CYP27A1: variants seen among roughly 807,000 people sequenced by gnomAD.
CYP27A1 encodes sterol 26-hydroxylase, mitochondrial.
Under a neutral mutation model 58.2 loss-of-function variants are expected in CYP27A1, and 46 were observed. That is an observed-to-expected ratio of 0.79 (90% CI 0.62 to 1.01). The LOEUF (loss-of-function observed/expected upper bound fraction) is 1.01, where lower values mean the gene tolerates loss of function less well. CYP27A1 is among the 50% of genes least tolerant of loss of function. The probability of loss-of-function intolerance (pLI) is 0.00; values close to 1 mark genes in which losing one functional copy is unlikely to be tolerated. For synonymous variants in CYP27A1, 274 were observed against 285.1 expected, an observed-to-expected ratio of 0.96 and a Z score of 0.39; for missense variants, 704 against 687.0, an observed-to-expected ratio of 1.02 and a Z score of -0.28.
In CYP27A1 at chr2:218,814,422, G is replaced by C. The variant is rs756546373; in HGVS notation, c.1227G>C (p.Lys409Asn). 4 of 1,614,130 alleles carry C rather than the reference G, an allele frequency of 2.5e-6. No individual in the cohort carries two copies. The highest frequency in any genetic ancestry group is 2.5e-6 in the Non-Finnish European group (3 of 1,180,050). Reference sequence around the variant, plus strand: ...CCACAAACTCCCGGATCATAGAAAAGGAAATTGAAGTTGATGGCTTCCTCT... The same window carrying C: ...CCACAAACTCCCGGATCATAGAAAACGAAATTGAAGTTGATGGCTTCCTCT... ...VVPTNSRIIE[K>N]EIEVDGFLFP... Residue 409 changes from lysine (K) to asparagine (N), a missense_variant, in exon 7 of 9, where the codon AAG (lysine) becomes AAC (asparagine). Coordinates refer to ENST00000258415, the MANE Select transcript of CYP27A1 (RefSeq NM_000784.4).
intron 2 of CYP27A1, among the ~76,000 whole-genome samples, chr2:218,810,561 T>C (rs921501457): frequency 6.6e-6 from 1 of 152,212 alleles, no homozygotes; most frequent in African/African-American, 2.4e-5. Flanking sequence ...ATGATAAGTT[T>C]GGGGTTCTCA....
intron 2 of CYP27A1, 104 bp downstream of exon 2, chr2:218,809,871 T>C: frequency 9.6e-7 from 1 of 1,040,082 alleles, no homozygotes; most frequent in Non-Finnish European, 1.4e-6. Context: ...TAGTACCCTC[T>C]GCATCCTCTG....
At chr2:218,799,176 C>A (rs867485129) in intron 1 of CYP27A1, among the ~76,000 whole-genome samples, 2 of 152,104 alleles carry the variant, frequency 1.3e-5, no homozygotes, top group Non-Finnish European at 2.9e-5. Flanking sequence ...GCCCACCCCT[C>A]CCCCTAATGC....
Position 218,809,604 on chromosome 2 carries a change from A to C in CYP27A1, c.283A>C (p.Met95Leu). Residue 95 changes from methionine (M) to leucine (L), a missense_variant, in exon 2 of 9, where the codon ATG becomes CTG. Met to Leu is a conservative substitution (Grantham distance 15). Coordinates refer to ENST00000258415, the MANE Select transcript of CYP27A1 (RefSeq NM_000784.4). Reference sequence around the variant, plus strand: ...GCTTTACAAGGCCAAGTACGGTCCAATGTGGATGTCCTACTTAGGGCCTCA... The same window carrying C: ...GCTTTACAAGGCCAAGTACGGTCCACTGTGGATGTCCTACTTAGGGCCTCA... ...QVLYKAKYGP[M>L]WMSYLGPQMH... 1.9e-6 allele frequency: 3 copies of C among 1,614,106 alleles called. No individual in the cohort carries two copies. Among genetic ancestry groups the C allele is most frequent in the Non-Finnish European group, 1.7e-6 (2 of 1,180,014 alleles).
chr2:218,811,542 G>C (rs1040050999), intron 2 of CYP27A1, among the ~76,000 whole-genome samples: 1 of 152,118 alleles, frequency 6.6e-6, no homozygotes, highest in Admixed American at 6.6e-5. Context: ...AACCAAGGAG[G>C]AGGCCTGACC....
At chr2:218,807,053 G>A (rs1230720229) in intron 1 of CYP27A1, among the ~76,000 whole-genome samples, 4 of 139,146 alleles carry the variant, frequency 2.9e-5, no homozygotes, top group African/African-American at 8.2e-5. Flanking sequence ...TCCTCCTCCC[G>A]GGTTCAAGCG....
intron 1 of CYP27A1, among the ~76,000 whole-genome samples, chr2:218,803,091 T>A (rs1490558204): frequency 2.6e-5 from 4 of 151,998 alleles, no homozygotes; most frequent in African/African-American, 9.7e-5. Flanking sequence ...ACTACAAGTG[T>A]GCGCCATCAC....
At chr2:218,796,352 G>C (rs111376228) in intron 1 of CYP27A1, among the ~76,000 whole-genome samples, 283 of 152,306 alleles carry the variant, frequency 1.9e-3, no homozygotes, top group East Asian at 6.6e-3. Context: ...CAGCACTTTG[G>C]GGGGCTGAGG....
Position 218,814,961 on chromosome 2 carries a change from G to T in CYP27A1, c.1527G>T (p.Lys509Asn). Residue 509 changes from lysine to asparagine, a missense_variant, in exon 9 of 9, where the codon AAG becomes AAT. Coordinates refer to ENST00000258415, the MANE Select transcript of CYP27A1 (RefSeq NM_000784.4). ...VVLAPETGEL[K>N]SVARIVLVPN... The stretch of plus-strand genomic sequence containing the variant: ...TGGCCCCGGAGACGGGGGAGTTGAA[G>T]AGTGTGGCCCGCATTGTCCTGGTTC... The T allele has an allele frequency of 6.2e-7, 1 of 1,614,256 alleles. No individual in the cohort carries two copies. The highest frequency in any genetic ancestry group is 8.5e-7 in the Non-Finnish European group (1 of 1,180,038).
At chr2:218,812,003 G>A (rs570090210) in intron 2 of CYP27A1, among the ~76,000 whole-genome samples, 4 of 152,274 alleles carry the variant, frequency 2.6e-5, no homozygotes, top group South Asian at 2.1e-4. Context: ...CTAGATGCCC[G>A]CCATACCCAC....
intron 1 of CYP27A1, among the ~76,000 whole-genome samples, chr2:218,797,230 G>A (rs1943555991): frequency 6.6e-6 from 1 of 152,008 alleles, no homozygotes; most frequent in Non-Finnish European, 1.5e-5. Context: ...CTCCTGAGTA[G>A]CTGGGATTAC....
rs587778784 is a variant in CYP27A1 at position 218,814,463 on chromosome 2, G to T, written c.1263+5G>T. On this transcript the variant is annotated splice_donor_5th_base_variant and intron_variant, in intron 7 of 8. Transcript: ENST00000258415. ...GGCTTCCTCTTCCCCAAGAACGTGA[G>T]TGGGGCTAGAGAGCCCGATTGCCCA... The T allele has an allele frequency of 3.7e-6, 6 of 1,614,024 alleles. No homozygotes were observed. Among genetic ancestry groups the T allele is most frequent in the Non-Finnish European group, 5.1e-6 (6 of 1,179,954 alleles).
In CYP27A1 at chr2:218,812,406, T is replaced by C. The variant is rs367644831; in HGVS notation, c.631T>C (p.Tyr211His). The C allele has an allele frequency of 1.9e-6, 3 of 1,614,192 alleles. No homozygotes were observed. The highest frequency in any genetic ancestry group is 2.5e-6 in the Non-Finnish European group (3 of 1,180,026). Residue 211 changes from tyrosine (Y) to histidine (H), a missense_variant, in exon 3 of 9, where the codon TAC becomes CAC. Transcript: ENST00000258415. ...QVSDMAQLFY[Y>H]FALEAICYIL... ...GTCGGACATGGCTCAACTCTTCTAC[T>C]ACTTTGCCTTGGAAGGTACCCTTGC...
chr2:218,789,075 A>C (rs1477725158), intron 1 of CYP27A1, among the ~76,000 whole-genome samples: 1 of 152,268 alleles, frequency 6.6e-6, no homozygotes, highest in African/African-American at 2.4e-5. Flanking sequence ...AGAATGAATC[A>C]TAGCAATTTA....
chr2:218,814,508 AAG>A lies in CYP27A1; in HGVS notation c.1264-32_1264-31del, dbSNP rs766603950. ...TGCCCAGGAGTGCCCTATGCCCCCG[AAG>A]AGAGGCATTCATGCTGCCCAATCTT... is the stretch of plus-strand genomic sequence containing the variant. On this transcript the variant is annotated intron_variant, in intron 7 of 8. Coordinates refer to ENST00000258415, the MANE Select transcript of CYP27A1 (RefSeq NM_000784.4). The A allele has an allele frequency of 1.4e-5, 23 of 1,612,596 alleles. No homozygotes were observed. In the African/African-American group the frequency reaches 2.7e-4, roughly 19 times the overall value.
intron 1 of CYP27A1, among the ~76,000 whole-genome samples, chr2:218,790,998 G>C (rs1011991937): frequency 6.6e-6 from 1 of 152,036 alleles, no homozygotes; most frequent in African/African-American, 2.4e-5. Context: ...CCTGTGCCCA[G>C]CCAAGTTTTG....
In CYP27A1 at chr2:218,812,203, T is replaced by A; in HGVS notation, c.447-19T>A. 1 of 1,608,070 alleles carries A rather than the reference T, an allele frequency of 6.2e-7. No homozygotes were observed. The highest frequency in any genetic ancestry group is 1.1e-5 in the South Asian group (1 of 90,960). Reference sequence around the variant, plus strand: ...CCCATAGAGGCTTATCTTTGTGCTGTTCCTCTGCGTCCCTGCAGGGAAGGA... The same window carrying A: ...CCCATAGAGGCTTATCTTTGTGCTGATCCTCTGCGTCCCTGCAGGGAAGGA... On this transcript the variant is annotated intron_variant, in intron 2 of 8. Coordinates refer to ENST00000258415, the MANE Select transcript of CYP27A1 (RefSeq NM_000784.4).
chr2:218,807,973 A>C (rs1943668488), intron 1 of CYP27A1, among the ~76,000 whole-genome samples: 1 of 152,172 alleles, frequency 6.6e-6, no homozygotes, highest in African/African-American at 2.4e-5. Flanking sequence ...AGCAAATACA[A>C]ATACTATATA....
At position 218,815,072 on chromosome 2, in the gene CYP27A1, G is replaced by T; in HGVS notation, c.*42G>T. 1 of 1,613,514 alleles carries T rather than the reference G, an allele frequency of 6.2e-7. No individual in the cohort carries two copies. The highest frequency in any genetic ancestry group is 8.5e-7 in the Non-Finnish European group (1 of 1,179,700). ...GCTGGGGCTTGTCCTAGAGGCTCCA[G>T]CTCTGGCACAGTGGTTCCTGGCTGC... On this transcript the variant is annotated 3_prime_UTR_variant, in exon 9 of 9. Coordinates refer to ENST00000258415, the MANE Select transcript of CYP27A1 (RefSeq NM_000784.4).
Sources: allele counts gnomAD v4.1 joint callset (sites outside exome capture counted in the v4.1 genomes callset), GRCh38; gene constraint gnomAD v4.1.1; transcripts MANE v1.5; gene names NCBI Gene and HGNC (gene_info 2026-07-23, HGNC 2026-07-21).